HEPH: variants seen among roughly 807,000 people sequenced by gnomAD.
The protein encoded by HEPH is hephaestin.
A neutral mutation model predicts 80.8 loss-of-function variants in HEPH; 69 were observed. That is an observed-to-expected ratio of 0.85 (90% CI 0.70 to 1.04). The LOEUF is 1.04. Among genes scored for constraint, HEPH ranks in the 50% least tolerant of loss-of-function variants. The pLI is 0.00. For missense variants in HEPH, 1,115 were observed against 891.3 expected (o/e 1.25, Z -3.20); for synonymous variants, 431 against 322.8 (o/e 1.34, Z -3.60).
intron 4 of HEPH, 54 bp from the exon 5 acceptor site, chrX:66,188,305 T>C: frequency 5.2e-6 from 5 of 961,628 alleles, no homozygotes; most frequent in Non-Finnish European, 5.7e-6. Flanking sequence ...CCCTTTCAGC[T>C]TACTATTGCT....
chrX:66,216,937 T>A (rs900237493), intron 15 of HEPH, among the ~76,000 whole-genome samples: 2 of 111,351 alleles, frequency 1.8e-5, no homozygotes, highest in African/African-American at 6.5e-5. Context: ...GTAGAATAGC[T>A]TCAGAATTCA....
intron 15 of HEPH, among the ~76,000 whole-genome samples, chrX:66,234,384 A>C (rs903820226): frequency 6.3e-5 from 7 of 111,626 alleles, no homozygotes; most frequent in Non-Finnish European, 9.4e-5. Context: ...GAACATATTC[A>C]TTCATGTCTT....
rs765673687 is a variant in HEPH, at chrX:66,254,099, A to G, written c.2564-936A>G. ...GTGAATTGTATGGCATGCAAATTAC[A>G]TCTCAATAAAGTTGTTAGAAAAGAT... On this transcript the variant is annotated intron_variant, in intron 15 of 20. Coordinates refer to ENST00000343002, the MANE Select transcript of HEPH (RefSeq NM_001367233.3). Among the ~76,000 whole-genome samples, 3 of 111,997 alleles carry G rather than the reference A, an allele frequency of 2.7e-5. No individual in the cohort carries two copies. In the South Asian group the frequency reaches 1.1e-3, roughly 42 times the overall value.
Position 66,256,339 on chromosome X carries a change from T to TA in HEPH, c.2896+15dup, listed in dbSNP as rs746551705. 3 of 1,147,162 alleles carry TA rather than the reference T, an allele frequency of 2.6e-6. No homozygotes were observed. Among genetic ancestry groups the TA allele is most frequent in the East Asian group, 3.0e-5 (1 of 33,401 alleles). 94.5% of individuals were successfully genotyped at this position (1,147,162 alleles called of 1,213,427 possible). On this transcript the variant is annotated intron_variant, in intron 17 of 20. Transcript: ENST00000343002. ...GAGCAATAAAATGCATGGTCAGTAG[T>TA]AAAAAACCTACTCTTGTTCCAAAGC...
chrX:66,223,278 G>A (rs2089730099), intron 15 of HEPH, among the ~76,000 whole-genome samples: 1 of 111,332 alleles, frequency 9.0e-6, no homozygotes, highest in African/African-American at 3.3e-5. Context: ...TTTAAATGTG[G>A]GGACATCAAC....
intron 15 of HEPH, among the ~76,000 whole-genome samples, chrX:66,224,236 A>T (rs1430141277): frequency 9.0e-6 from 1 of 111,368 alleles, no homozygotes; most frequent in Non-Finnish European, 1.9e-5. Flanking sequence ...TTTGTTGAAA[A>T]CCTTGTAAGT....
At chrX:66,201,203 G>A (rs1381224002) in intron 12 of HEPH, among the ~76,000 whole-genome samples, 2 of 110,274 alleles carry the variant, frequency 1.8e-5, no homozygotes, top group Admixed American at 1.9e-4. Flanking sequence ...TTCTACCCAT[G>A]ATGCGCCCCA....
upstream of HEPH, among the ~76,000 whole-genome samples, chrX:66,163,163 C>T (rs1004808549): frequency 1.8e-5 from 2 of 111,256 alleles, no homozygotes; most frequent in African/African-American, 6.5e-5. Context: ...TAGAAAGAGG[C>T]CCAGAGAAGA....
In HEPH at chrX:66,168,558, A is replaced by C. The variant is rs184333522; in HGVS notation, c.-13-2000A>C. ...TCTCTTACATCAAGAGCTTTCTGCC[A>C]AATATAATATGGAATCTAGGGATTA... On this transcript the variant is annotated intron_variant, in intron 1 of 20. Coordinates refer to ENST00000343002, the MANE Select transcript of HEPH (RefSeq NM_001367233.3). Among the ~76,000 whole-genome samples, 5 of 111,928 alleles carry C rather than the reference A, an allele frequency of 4.5e-5. No homozygotes were observed. The Admixed American group carries it at 4.7e-4, about 11-fold the overall frequency.
At chrX:66,261,843 C>T (rs947035612) in intron 19 of HEPH, among the ~76,000 whole-genome samples, 2 of 112,182 alleles carry the variant, frequency 1.8e-5, no homozygotes, top group Non-Finnish European at 3.8e-5. Flanking sequence ...TTCCCTAGCA[C>T]CCAGATTTAC....
Position 66,200,574 on chromosome X carries a change from G to A in HEPH, c.1899G>A (p.Arg633=). 1 of 1,208,410 alleles carries A rather than the reference G, an allele frequency of 8.3e-7. No individual in the cohort carries two copies. Among genetic ancestry groups the A allele is most frequent in the South Asian group, 1.8e-5 (1 of 56,283 alleles). The change falls in exon 12 of 21, where the codon AGG becomes AGA. Residue 633 remains arginine (R), a synonymous_variant. Coordinates refer to ENST00000343002, the MANE Select transcript of HEPH (RefSeq NM_001367233.3). The part of the protein sequence containing the change: ...INGFLFSNLP[R]LDMCKGDTVA... ...GGTTTCTGTTCTCTAACCTGCCCAG[G>A]CTGGACATGTGCAAGGGTGACACAG...
chrX:66,205,211 A>C, intron 13 of HEPH, among the ~76,000 whole-genome samples: 1 of 111,909 alleles, frequency 8.9e-6, no homozygotes, highest in East Asian at 2.8e-4. Flanking sequence ...TTTGGGGTAC[A>C]GATCCCATCA....
chrX:66,232,481 T>C (rs1166311916), intron 15 of HEPH, among the ~76,000 whole-genome samples: 2 of 111,743 alleles, frequency 1.8e-5, no homozygotes, highest in Non-Finnish European at 3.8e-5. Flanking sequence ...TAATATCTGC[T>C]TCAGAATGCT....
At chrX:66,188,262 A>G (rs2087588991) in intron 4 of HEPH, 97 bp from the exon 5 acceptor site, 4 of 601,463 alleles carry the variant, frequency 6.7e-6, no homozygotes, top group Non-Finnish European at 1.0e-5. Flanking sequence ...GATTCTTAAG[A>G]CCCCTCTCTT....
chrX:66,232,126 G>T (rs1016555086), intron 15 of HEPH, among the ~76,000 whole-genome samples: 1 of 110,284 alleles, frequency 9.1e-6, no homozygotes, highest in African/African-American at 3.3e-5. Context: ...CAGGGATGAA[G>T]CCCACTTGAT....
intron 4 of HEPH, among the ~76,000 whole-genome samples, chrX:66,187,756 C>T (rs892722775): frequency 1.1e-4 from 12 of 111,547 alleles, no homozygotes; most frequent in African/African-American, 3.9e-4. Context: ...ATGATGCAAG[C>T]CTCCACATGC....
At chrX:66,172,691 T>A in intron 3 of HEPH, 92 bp downstream of exon 3, 1 of 950,561 alleles carries the variant, frequency 1.1e-6, no homozygotes, top group Non-Finnish European at 1.4e-6. Flanking sequence ...TAGTGAAGAT[T>A]TTCTTTTCTT....
At chrX:66,235,593 T>C (rs763814544) in intron 15 of HEPH, among the ~76,000 whole-genome samples, 1 of 112,056 alleles carries the variant, frequency 8.9e-6, no homozygotes, top group East Asian at 2.8e-4. Context: ...ACCATGCTGT[T>C]TTGGTTACTG....
rs772796624 is a variant in HEPH at position 66,231,871 on chromosome X, T to A, written c.2564-23164T>A. On this transcript the variant is annotated intron_variant, in intron 15 of 20. Transcript: ENST00000343002. ...GTCTTGTGCCAGTTTTCAAAGGGAA[T>A]GCTTCCAGTTTTTTCCCATTCAGTA... 4.4e-3 allele frequency among the ~76,000 whole-genome samples: 482 copies of A among 109,208 alleles called. 2 individuals carry two copies. Among genetic ancestry groups the A allele is most frequent in the Middle Eastern group, 0.023 (5 of 215 alleles). The allele number at this position is 109,208 out of a possible 115,157, so 94.8% of individuals were successfully genotyped here.
Sources: gnomAD v4.1 joint callset for allele counts (sites outside exome capture counted in the v4.1 genomes callset) on GRCh38, gnomAD v4.1.1 for gene constraint, MANE v1.5 for transcripts, NCBI Gene and HGNC (gene_info 2026-07-23, HGNC 2026-07-21) for gene names.